NARS1: variants seen among roughly 807,000 people sequenced by gnomAD.
NARS1 encodes asparagine--tRNA ligase, cytoplasmic.
A neutral mutation model predicts 79.2 loss-of-function variants in NARS1; 65 were observed. The ratio of observed to expected loss-of-function variants is 0.82; its 90% CI spans 0.67 to 1.01. The LOEUF is 1.01. Ranked by LOEUF, NARS1 falls within the 50% of genes least tolerant of loss-of-function variation. NARS1 has a pLI of 0.00. For synonymous variants in NARS1, 229 were observed against 238.8 expected (o/e 0.96, Z 0.38); for missense variants, 649 against 673.8 (o/e 0.96, Z 0.41).
At chr18:57,615,268 C>T (rs1035146214) in intron 4 of NARS1, among the ~76,000 whole-genome samples, 9 of 152,000 alleles carry the variant, frequency 5.9e-5, no homozygotes, top group Admixed American at 3.9e-4. Context: ...TTTGGGAGGT[C>T]GAGGTGGGCA....
At chr18:57,619,389 T>A (rs1417695897) in intron 2 of NARS1, among the ~76,000 whole-genome samples, 3 of 148,184 alleles carry the variant, frequency 2.0e-5, no homozygotes, top group East Asian at 1.9e-4. Flanking sequence ...TATTAAAAAA[T>A]TTTTAAGAAG....
chr18:57,615,317 A>G (rs1473039672), intron 4 of NARS1, among the ~76,000 whole-genome samples: 1 of 152,196 alleles, frequency 6.6e-6, no homozygotes, highest in Non-Finnish European at 1.5e-5. Flanking sequence ...CCTGGCTAAC[A>G]CGGTGAAACC....
rs1908317472 is a variant in NARS1 at position 57,621,794 on chromosome 18, G to C, written c.-77C>G. ...CGTCTTATGACTCCAACGTGCACCG[G>C]CGGTTTCCGCGATTCCGGCGTTGCA... On this transcript the variant is annotated 5_prime_UTR_variant, in exon 1 of 14. Coordinates refer to ENST00000256854, the MANE Select transcript of NARS1 (RefSeq NM_004539.4). 3 of 1,608,150 alleles carry C rather than the reference G, an allele frequency of 1.9e-6. No individual in the cohort carries two copies. The highest frequency in any genetic ancestry group is 2.5e-6 in the Non-Finnish European group (3 of 1,178,334).
chr18:57,609,332 C>T (rs1442054926), intron 7 of NARS1, 25 bp downstream of exon 7: 12 of 1,555,660 alleles, frequency 7.7e-6, no homozygotes, highest in African/African-American at 1.4e-5. Flanking sequence ...ATTCATTCAC[C>T]CAGTGCGAAA....
intron 2 of NARS1, among the ~76,000 whole-genome samples, chr18:57,620,074 T>C (rs1033990174): frequency 6.6e-6 from 1 of 152,168 alleles, no homozygotes; most frequent in Admixed American, 6.5e-5. Context: ...GCACTGTTAA[T>C]TCATTAACAG....
chr18:57,617,372 A>G (rs1908091679), intron 2 of NARS1, among the ~76,000 whole-genome samples: 1 of 151,314 alleles, frequency 6.6e-6, no homozygotes, highest in Admixed American at 6.6e-5. Context: ...GGAGATCGAG[A>G]CCATCCTGGC....
intron 11 of NARS1, among the ~76,000 whole-genome samples, chr18:57,604,277 C>G (rs1190563684): frequency 6.6e-6 from 1 of 152,096 alleles, no homozygotes; most frequent in Non-Finnish European, 1.5e-5. Context: ...ATAGGCTGGG[C>G]ACAGTGTGGC....
Position 57,606,623 on chromosome 18 carries a change from A to G in NARS1, c.1130T>C (p.Leu377Pro), listed in dbSNP as rs2122428338. 3.1e-6 allele frequency: 5 copies of G among 1,613,638 alleles called. No individual in the cohort carries two copies. Among genetic ancestry groups the G allele is most frequent in the Non-Finnish European group, 4.2e-6 (5 of 1,179,714 alleles). The change falls in exon 10 of 14, where the codon CTC (leucine) becomes CCC (proline). Residue 377 changes from leucine (L) to proline (P), a missense_variant. By Grantham distance (98) the Leu-to-Pro change is moderately conservative. Transcript: ENST00000256854. ...CATAAACACTGCACCTACCGGGTTGAGCTCATGCACTATGCTCCCTGCAGG... is the reference window on the plus strand; with the variant it reads ...CATAAACACTGCACCTACCGGGTTGGGCTCATGCACTATGCTCCCTGCAGG... ...KSPAGSIVHE[L>P]NPNFQPPKRP...
Position 57,607,448 on chromosome 18 carries a change from T to C in NARS1, c.797A>G (p.Tyr266Cys), listed in dbSNP as rs1459510785. The C allele has an allele frequency of 4.3e-6, 7 of 1,613,832 alleles. No individual in the cohort carries two copies. Among genetic ancestry groups the C allele is most frequent in the Middle Eastern group, 3.3e-4 (2 of 6,084 alleles). ...AGCTGACGAATGCATACTTACTTCA[T>C]AGTACCCCCTATCAAAGAAGTGATC... ...FRDHFFDRGY[Y>C]EVTPPTLVQT... The change falls in exon 8 of 14, where the codon TAT (tyrosine) becomes TGT (cysteine). Residue 266 changes from tyrosine (Y) to cysteine (C), a missense_variant. Tyr to Cys is a radical substitution (Grantham distance 194). Transcript: ENST00000256854.
At chr18:57,621,234 A>T (rs929892631) in intron 1 of NARS1, among the ~76,000 whole-genome samples, 38 of 151,982 alleles carry the variant, frequency 2.5e-4, no homozygotes, top group African/African-American at 8.7e-4. Flanking sequence ...TGAACAGTTA[A>T]CATCCATCCA....
chr18:57,608,462 T>G (rs957489747), intron 7 of NARS1, among the ~76,000 whole-genome samples: 1 of 91,358 alleles, frequency 1.1e-5, no homozygotes, highest in Non-Finnish European at 2.3e-5. Flanking sequence ...AAAAAAACAA[T>G]AAAAACAGGC....
chr18:57,605,730 G>C (rs1599032401), intron 11 of NARS1, 127 bp downstream of exon 11: 2 of 649,070 alleles, frequency 3.1e-6, no homozygotes, highest in East Asian at 5.7e-5. Flanking sequence ...AACCCAAGAA[G>C]CAGGTCCTGC....
In NARS1 at chr18:57,615,857, T is replaced by C; in HGVS notation, c.212A>G (p.His71Arg). Reference protein sequence around the residue: ...SQLKNIKKMWHREQMKSESRE... With the variant: ...SQLKNIKKMWRREQMKSESRE... Reference sequence around the variant, plus strand: ...GGATTCACTCTTCATTTGTTCCCTATGCCACATCTTTTTAATGTTCTTCAA... The same window carrying C: ...GGATTCACTCTTCATTTGTTCCCTACGCCACATCTTTTTAATGTTCTTCAA... The change falls in exon 3 of 14, where the codon CAT becomes CGT. Residue 71 changes from histidine (H) to arginine (R), a missense_variant. Physicochemically the swap from His to Arg is conservative, Grantham distance 29. Coordinates refer to ENST00000256854, the MANE Select transcript of NARS1 (RefSeq NM_004539.4). The C allele has an allele frequency of 1.2e-6, 2 of 1,613,664 alleles. No individual in the cohort carries two copies. The highest frequency in any genetic ancestry group is 1.7e-6 in the Non-Finnish European group (2 of 1,179,852).
chr18:57,611,949 G>A (rs1435272386), intron 5 of NARS1, among the ~76,000 whole-genome samples: 1 of 151,698 alleles, frequency 6.6e-6, no homozygotes, highest in Non-Finnish European at 1.5e-5. Context: ...AGTGACAAGG[G>A]TCTCACTGAG....
chr18:57,609,983 G>A (rs1445834854), intron 6 of NARS1, among the ~76,000 whole-genome samples: 1 of 152,084 alleles, frequency 6.6e-6, no homozygotes, highest in Non-Finnish European at 1.5e-5. Context: ...GGAAGTCGAG[G>A]CTGCAATGAG....
intron 4 of NARS1, among the ~76,000 whole-genome samples, chr18:57,614,759 C>A (rs2122449423): frequency 6.6e-6 from 1 of 152,362 alleles, no homozygotes; most frequent in African/African-American, 2.4e-5. Flanking sequence ...CTGGGTCCCC[C>A]ATCTGCTGGC....
rs2051557471 is a variant in NARS1, at chr18:57,606,376, ATAT to A, written c.1137+237_1137+239del. Among the ~76,000 whole-genome samples the A allele has an allele frequency of 4.0e-5, 6 of 149,116 alleles. No individual in the cohort carries two copies. In the South Asian group the frequency reaches 1.3e-3, roughly 31 times the overall value. On this transcript the variant is annotated intron_variant, in intron 10 of 13. Coordinates refer to ENST00000256854, the MANE Select transcript of NARS1 (RefSeq NM_004539.4). The stretch of plus-strand genomic sequence containing the variant: ...AAAATATATATATATATATATATAT[ATAT>A]AACTTCAGACTAGAAAACTATGTAG...
At chr18:57,618,289 C>CAAAA (rs34320460) in intron 2 of NARS1, among the ~76,000 whole-genome samples, 1 of 122,848 alleles carries the variant, frequency 8.1e-6, no homozygotes, top group Middle Eastern at 3.6e-3. Context: ...AACTCTGTCT[C>CAAAA]AAAAAAAAAA....
At chr18:57,604,072 G>C (rs951503766) in intron 11 of NARS1, among the ~76,000 whole-genome samples, 6 of 152,238 alleles carry the variant, frequency 3.9e-5, no homozygotes, top group African/African-American at 1.4e-4. Flanking sequence ...TAAGGAACCT[G>C]AGAGGGGGTC....
Sources: allele counts gnomAD v4.1 joint callset (sites outside exome capture counted in the v4.1 genomes callset), GRCh38; gene constraint gnomAD v4.1.1; transcripts MANE v1.5; gene names NCBI Gene and HGNC (gene_info 2026-07-23, HGNC 2026-07-21).